RRAS2: variants seen among roughly 807,000 people sequenced by gnomAD.
RRAS2 encodes RAS related 2, also known as ras-related protein R-Ras2.
A neutral mutation model predicts 27.6 loss-of-function variants in RRAS2; 7 were observed. The ratio of observed to expected loss-of-function variants is 0.25; its 90% CI spans 0.14 to 0.48. The LOEUF (loss-of-function observed/expected upper bound fraction) is 0.48. RRAS2 is among the 20% of genes least tolerant of loss of function. RRAS2 has a pLI of 0.99. For synonymous variants in RRAS2, 86 were observed against 90.9 expected, an observed-to-expected ratio of 0.95 and a Z score of 0.31; for missense variants, 178 against 256.2, an observed-to-expected ratio of 0.69 and a Z score of 2.08.
In RRAS2 at chr11:14,344,983, C is replaced by T. The variant is rs1461648790; in HGVS notation, c.108+13780G>A. 4.9e-4 allele frequency among the ~76,000 whole-genome samples: 39 copies of T among 78,976 alleles called. No individual in the cohort carries two copies. In the East Asian group the frequency reaches 0.013, roughly 26 times the overall value. 51.8% of individuals were successfully genotyped at this position (78,976 alleles called of 152,430 possible). ...TTTATTTCCTGTGCCCTACTCAAGA[C>T]TTTATTTTTTTTTTTTTTTTTTTTG... On this transcript the variant is annotated intron_variant, in intron 1 of 5. Transcript: ENST00000256196.
At chr11:14,363,010 G>C (rs1224149866), upstream of RRAS2, among the ~76,000 whole-genome samples, 1 of 152,210 alleles carries the variant, frequency 6.6e-6, no homozygotes, top group Non-Finnish European at 1.5e-5. Flanking sequence ...CAAATTTTTT[G>C]TGTAAATTTT....
At chr11:14,288,683 A>G (rs536304074) in intron 4 of RRAS2, among the ~76,000 whole-genome samples, 1 of 152,338 alleles carries the variant, frequency 6.6e-6, no homozygotes, top group Non-Finnish European at 1.5e-5. Flanking sequence ...TGATGCAACA[A>G]ATTCACAGAA....
At position 14,294,425 on chromosome 11, in the gene RRAS2, C is replaced by A. The variant is rs199558596; in HGVS notation, c.408+46G>T. On this transcript the variant is annotated intron_variant, in intron 4 of 5. Coordinates refer to ENST00000256196, the MANE Select transcript of RRAS2 (RefSeq NM_012250.6). Reference sequence around the variant, plus strand: ...TTCCTTAAATCTATCAGTTCACTCACATGATTATAAACAATTGGTTTCCCA... The same window carrying A: ...TTCCTTAAATCTATCAGTTCACTCAAATGATTATAAACAATTGGTTTCCCA... 9.5e-5 allele frequency: 120 copies of A among 1,260,910 alleles called. No individual in the cohort carries two copies. The African/African-American group carries it at 1.5e-3, about 16-fold the overall frequency. 78.1% of individuals were successfully genotyped at this position (1,260,910 alleles called of 1,614,324 possible).
In RRAS2 at chr11:14,355,833, T is replaced by C. The variant is rs527847375; in HGVS notation, c.108+2930A>G. 1.2e-4 allele frequency among the ~76,000 whole-genome samples: 18 copies of C among 152,310 alleles called. No homozygotes were observed. In the South Asian group the frequency reaches 3.7e-3, roughly 32 times the overall value. ...GACTTCTGCTTATTAAAATGATTAG[T>C]CTGCTGTGTTCTCTCCCTCCAGTTA... On this transcript the variant is annotated intron_variant, in intron 1 of 5. Transcript: ENST00000256196.
chr11:14,284,903 T>C lies in RRAS2; in HGVS notation c.409-3183A>G, dbSNP rs528847147. ...TCCTTTTACTTTAACCTTTGTGTCT[T>C]CACATTTAAAGTAGATTTCTTGTAG... On this transcript the variant is annotated intron_variant, in intron 4 of 5. Coordinates refer to ENST00000256196, the MANE Select transcript of RRAS2 (RefSeq NM_012250.6). Among the ~76,000 whole-genome samples the C allele has an allele frequency of 5.1e-4, 78 of 152,332 alleles. No individual in the cohort carries two copies. In the South Asian group the frequency reaches 9.5e-3, roughly 19 times the overall value.
chr11:14,329,423 T>C (rs1249225915), intron 1 of RRAS2, among the ~76,000 whole-genome samples: 2 of 152,158 alleles, frequency 1.3e-5, no homozygotes, highest in Non-Finnish European at 2.9e-5. Flanking sequence ...CAAAATTATA[T>C]ATTTTAAAGC....
At chr11:14,284,298 G>A (rs782397260) in intron 4 of RRAS2, among the ~76,000 whole-genome samples, 4 of 151,912 alleles carry the variant, frequency 2.6e-5, no homozygotes, top group Non-Finnish European at 5.9e-5. Flanking sequence ...GGGTTAGTTG[G>A]AATATGTTAA....
chr11:14,305,481 A>G (rs1464149939), intron 1 of RRAS2, among the ~76,000 whole-genome samples: 1 of 152,168 alleles, frequency 6.6e-6, no homozygotes, highest in Non-Finnish European at 1.5e-5. Flanking sequence ...CAAAACTTGT[A>G]TAGAGGGAAA....
chr11:14,336,130 T>C (rs1554952525), intron 1 of RRAS2, among the ~76,000 whole-genome samples: 2 of 152,186 alleles, frequency 1.3e-5, no homozygotes, highest in Admixed American at 6.5e-5. Flanking sequence ...GCAGTGTCAA[T>C]GGACTTCCAT....
intron 5 of RRAS2, among the ~76,000 whole-genome samples, chr11:14,280,647 A>G (rs1472748895): frequency 7.1e-6 from 1 of 140,746 alleles, no homozygotes; most frequent in Non-Finnish European, 1.5e-5. Context: ...AATTGCTTGA[A>G]CCCAGGAGGC....
rs1554952736 is a variant in RRAS2, at chr11:14,337,762, G to C, written c.108+21001C>G. 2.0e-5 allele frequency among the ~76,000 whole-genome samples: 3 copies of C among 151,912 alleles called. No individual in the cohort carries two copies. The South Asian group carries it at 6.2e-4, about 32-fold the overall frequency. Reference sequence around the variant, plus strand: ...AAATATATAGCCCTTGCAGGTAAGGGGGGACTACTGTATTAACTCAGAATC... The same window carrying C: ...AAATATATAGCCCTTGCAGGTAAGGCGGGACTACTGTATTAACTCAGAATC... On this transcript the variant is annotated intron_variant, in intron 1 of 5. Transcript: ENST00000256196.
chr11:14,360,138 G>T (rs1849170621), upstream of RRAS2, among the ~76,000 whole-genome samples: 1 of 151,678 alleles, frequency 6.6e-6, no homozygotes, highest in Admixed American at 6.6e-5. Flanking sequence ...TGCTAAAGAG[G>T]CTACATGTAG....
chr11:14,360,567 AT>A (rs34348752), upstream of RRAS2, among the ~76,000 whole-genome samples: 44,842 of 147,848 alleles, frequency 0.3, 7,470 homozygotes, highest in South Asian at 0.43. Flanking sequence ...AGATCAGGTA[AT>A]TTTTTTTTTT....
At chr11:14,324,622 G>T (rs1226923529) in intron 1 of RRAS2, among the ~76,000 whole-genome samples, 1 of 152,120 alleles carries the variant, frequency 6.6e-6, no homozygotes, top group East Asian at 1.9e-4. Context: ...GTTTATAAGT[G>T]TAAGAGTCAT....
At chr11:14,293,278 A>G (rs1847463966) in intron 4 of RRAS2, among the ~76,000 whole-genome samples, 1 of 151,094 alleles carries the variant, frequency 6.6e-6, no homozygotes, top group Non-Finnish European at 1.5e-5. Context: ...CTGTTTATCA[A>G]CCAATTTTTC....
intron 1 of RRAS2, among the ~76,000 whole-genome samples, chr11:14,328,044 C>T (rs1240427381): frequency 2.0e-5 from 3 of 152,136 alleles, no homozygotes; most frequent in Non-Finnish European, 4.4e-5. Context: ...CACTGTAGTG[C>T]TTACAAAGTA....
chr11:14,343,795 A>T (rs1554953667), intron 1 of RRAS2, among the ~76,000 whole-genome samples: 1 of 151,564 alleles, frequency 6.6e-6, no homozygotes, highest in East Asian at 1.9e-4. Context: ...GATCGCGCCA[A>T]TGCACTCCAG....
At chr11:14,326,712 G>A (rs935829311) in intron 1 of RRAS2, among the ~76,000 whole-genome samples, 4 of 152,094 alleles carry the variant, frequency 2.6e-5, no homozygotes, top group Non-Finnish European at 5.9e-5. Context: ...CTCCTATGTC[G>A]TATCTTAAAT....
At chr11:14,327,546 A>C (rs1303730676) in intron 1 of RRAS2, among the ~76,000 whole-genome samples, 4 of 152,224 alleles carry the variant, frequency 2.6e-5, no homozygotes, top group Non-Finnish European at 5.9e-5. Context: ...TTTAATTTGT[A>C]CTAGTAAACT....
Sources: gnomAD v4.1 joint callset for allele counts (sites outside exome capture counted in the v4.1 genomes callset) on GRCh38, gnomAD v4.1.1 for gene constraint, MANE v1.5 for transcripts, NCBI Gene and HGNC (gene_info 2026-07-23, HGNC 2026-07-21) for gene names.